The following IL4R variants were observed in gnomAD, a reference collection of about 807,000 sequenced individuals.
IL4R encodes the protein interleukin-4 receptor subunit alpha.
Under a neutral mutation model 41.5 loss-of-function variants are expected in IL4R, and 17 were observed. The observed-to-expected ratio is 0.41, with a 90% confidence interval of 0.28 to 0.61. The LOEUF is 0.61. Among genes scored for constraint, IL4R ranks in the 20% least tolerant of loss-of-function variants. The probability of loss-of-function intolerance (pLI) is 0.31; values close to 1 mark genes in which losing one functional copy is unlikely to be tolerated. For synonymous variants in IL4R, 402 were observed against 422.9 expected, an observed-to-expected ratio of 0.95 and a Z score of 0.61; for missense variants, 974 against 1,043.1, an observed-to-expected ratio of 0.93 and a Z score of 0.91.
At chr16:27,314,665 C>G (rs577674882) in intron 1 of IL4R, among the ~76,000 whole-genome samples, 2 of 152,202 alleles carry the variant, frequency 1.3e-5, no homozygotes, top group African/African-American at 4.8e-5. Flanking sequence ...CTTGGGAGTC[C>G]GTGGGGCAGC....
intron 1 of IL4R, among the ~76,000 whole-genome samples, chr16:27,329,193 C>T (rs1407464436): frequency 1.3e-5 from 2 of 152,068 alleles, no homozygotes; most frequent in African/African-American, 4.8e-5. Context: ...TCTTGCCTTC[C>T]CCGTGAATAA....
rs2085608391 is a variant in IL4R at position 27,345,428 on chromosome 16, C to T, written c.361+408C>T. ...GGAAGGCTGACCTTCTTCTGGTACC[C>T]GGAGTCCCTGCAGGAATCCCCCTTG... is the stretch of plus-strand genomic sequence containing the variant. On this transcript the variant is annotated intron_variant, in intron 5 of 10. Coordinates refer to ENST00000395762, the MANE Select transcript of IL4R (RefSeq NM_000418.4). The surrounding 1 kb of genome is among the most constrained non-coding windows in gnomAD (Gnocchi z 4.5). 2.0e-5 allele frequency: 7 copies of T among 348,520 alleles called. No homozygotes were observed. Among genetic ancestry groups the T allele is most frequent in the Admixed American group, 3.9e-5 (1 of 25,862 alleles). The allele number at this position is 348,520 out of a possible 1,614,324, so 21.6% of individuals were successfully genotyped here. A position where few individuals can be genotyped will look rare whatever the true frequency, so the allele number is the denominator to read the frequency against.
intron 6 of IL4R, among the ~76,000 whole-genome samples, chr16:27,348,794 C>T (rs1198200833): frequency 6.6e-6 from 1 of 152,196 alleles, no homozygotes; most frequent in Non-Finnish European, 1.5e-5. Context: ...GGCTCAGCTC[C>T]ATCCAAACCA....
At chr16:27,357,925 A>G (rs1295359036) in intron 8 of IL4R, among the ~76,000 whole-genome samples, 1 of 138,968 alleles carries the variant, frequency 7.2e-6, no homozygotes, top group Non-Finnish European at 1.6e-5. Context: ...ATGGAGTCTC[A>G]TGTTGTCCCC....
chr16:27,319,041 T>C (rs1262281336), intron 1 of IL4R, among the ~76,000 whole-genome samples: 1 of 152,140 alleles, frequency 6.6e-6, no homozygotes, highest in Non-Finnish European at 1.5e-5. Context: ...TTGGTGACTT[T>C]GAGGAAGTGG....
chr16:27,364,104 C>A lies in IL4R; in HGVS notation c.*274C>A. On this transcript the variant is annotated 3_prime_UTR_variant, in exon 11 of 11. Transcript: ENST00000395762. Reference sequence around the variant, plus strand: ...GCAGGCCCCTGCAGGAAAACTGAGGCCCTTGGGCACCTCGACTTGTGAACG... The same window carrying A: ...GCAGGCCCCTGCAGGAAAACTGAGGACCTTGGGCACCTCGACTTGTGAACG... The A allele has an allele frequency of 2.4e-6, 1 of 421,840 alleles. No homozygotes were observed. Among genetic ancestry groups the A allele is most frequent in the South Asian group, 4.4e-5 (1 of 22,548 alleles). The allele number at this position is 421,840 out of a possible 1,614,324, so 26.1% of individuals were successfully genotyped here.
In IL4R at chr16:27,363,336, C is replaced by T. The variant is rs112228717; in HGVS notation, c.1984C>T (p.Pro662Ser). The change falls in exon 11 of 11, where the codon CCT becomes TCT. Residue 662 changes from proline (P) to serine (S), a missense_variant. Coordinates refer to ENST00000395762, the MANE Select transcript of IL4R (RefSeq NM_000418.4). The stretch of plus-strand genomic sequence containing the variant: ...CACCTTTGGACTGGACAGGGAGCCA[C>T]CTCGCAGTCCGCAGAGCTCACATCT... ...LFTFGLDREP[P>S]RSPQSSHLPS... 1.2e-6 allele frequency: 2 copies of T among 1,613,732 alleles called. No individual in the cohort carries two copies. Among genetic ancestry groups the T allele is most frequent in the Middle Eastern group, 1.6e-4 (1 of 6,062 alleles).
intron 6 of IL4R, among the ~76,000 whole-genome samples, chr16:27,348,324 C>T (rs139918838): frequency 3.2e-4 from 48 of 152,130 alleles, no homozygotes; most frequent in African/African-American, 1.1e-3. Context: ...AATAAATCTC[C>T]TTCTCATGCC....
intron 10 of IL4R, among the ~76,000 whole-genome samples, chr16:27,361,793 G>C (rs1272163038): frequency 1.3e-5 from 2 of 151,622 alleles, no homozygotes; most frequent in African/African-American, 2.4e-5. Flanking sequence ...TTTAATTCTT[G>C]TAGAGATGTT....
intron 4 of IL4R, among the ~76,000 whole-genome samples, chr16:27,344,512 G>A (rs932357314): frequency 2.6e-5 from 4 of 152,080 alleles, no homozygotes; most frequent in African/African-American, 7.2e-5. Flanking sequence ...ATTATCTTAC[G>A]ATGGCCAAAC....
chr16:27,326,805 G>A (rs958970235), intron 1 of IL4R, among the ~76,000 whole-genome samples: 2 of 152,132 alleles, frequency 1.3e-5, no homozygotes, highest in South Asian at 4.1e-4. Context: ...GAGCCAGTCT[G>A]TTGCCTCCCC....
chr16:27,354,094 T>C (rs1311600210), intron 7 of IL4R: 1 of 152,276 alleles, frequency 6.6e-6, no homozygotes, highest in Non-Finnish European at 1.5e-5. Context: ...TGACTACACA[T>C]AGCCACAAAG....
At chr16:27,322,103 GT>G (rs10631013) in intron 1 of IL4R, among the ~76,000 whole-genome samples, 36 of 145,150 alleles carry the variant, frequency 2.5e-4, no homozygotes, top group East Asian at 7.9e-4. Flanking sequence ...TCACTATGTG[GT>G]TTTTTTTTTT....
intron 10 of IL4R, among the ~76,000 whole-genome samples, chr16:27,361,232 G>GAGC (rs1240547804): frequency 1.3e-4 from 19 of 151,908 alleles, no homozygotes; most frequent in African/African-American, 4.6e-4. Context: ...TCAAACTCCT[G>GAGC]AGCTCAAGTG....
chr16:27,344,302 CA>C (rs779525091), intron 4 of IL4R, among the ~76,000 whole-genome samples: 1 of 125,922 alleles, frequency 7.9e-6, no homozygotes, highest in African/African-American at 3.1e-5. Context: ...GACTTTGTCT[CA>C]GGAAAAAAAA....
chr16:27,363,201 C>T lies in IL4R; in HGVS notation c.1849C>T (p.Pro617Ser). 1.2e-6 allele frequency: 2 copies of T among 1,609,884 alleles called. No homozygotes were observed. Among genetic ancestry groups the T allele is most frequent in the Non-Finnish European group, 1.7e-6 (2 of 1,177,570 alleles). The change falls in exon 11 of 11, where the codon CCA becomes TCA. Residue 617 changes from proline to serine, a missense_variant. Pro to Ser is a moderately conservative substitution (Grantham distance 74). Transcript: ENST00000395762. ...SSLLASSAVSPEKCGFGASSG... is the reference protein window; with the variant it reads ...SSLLASSAVSSEKCGFGASSG... ...CCTGCTTGCCAGCAGTGCTGTGTCC[C>T]CAGAGAAATGTGGGTTTGGGGCTAG...
chr16:27,313,963 AG>A (rs2084545140), upstream of IL4R: 1 of 984,548 alleles, frequency 1.0e-6, no homozygotes, highest in African/African-American at 1.7e-5. Context: ...AGGGCCACCC[AG>A]GGGTCCCCCA....
chr16:27,341,821 A>G (rs1158963120), intron 3 of IL4R, among the ~76,000 whole-genome samples: 1 of 152,178 alleles, frequency 6.6e-6, no homozygotes, highest in African/African-American at 2.4e-5. Flanking sequence ...AAACTGCTAC[A>G]TATTTTCCCT....
At chr16:27,360,725 A>G in intron 9 of IL4R, 41 bp from the exon 10 acceptor site, 9 of 1,613,804 alleles carry the variant, frequency 5.6e-6, no homozygotes, top group Non-Finnish European at 7.6e-6. Context: ...GCCGGGCTGC[A>G]AGGCCACTCT....
Sources: allele counts gnomAD v4.1 joint callset (sites outside exome capture counted in the v4.1 genomes callset), GRCh38; gene constraint gnomAD v4.1.1; non-coding constraint Gnocchi (gnomAD v3.1); transcripts MANE v1.5; gene names NCBI Gene and HGNC (gene_info 2026-07-23, HGNC 2026-07-21).